The following MAP2K3 variants were observed in gnomAD, a reference collection of about 807,000 sequenced individuals.
MAP2K3 encodes mitogen-activated protein kinase kinase 3.
MAP2K3 carries 30 observed loss-of-function variants against 46.4 expected under a neutral mutation model. That is an observed-to-expected ratio of 0.65 (90% CI 0.48 to 0.88). The LOEUF (loss-of-function observed/expected upper bound fraction) is 0.88, where lower values mean the gene tolerates loss of function less well. MAP2K3 is among the 40% of genes least tolerant of loss of function. The probability of loss-of-function intolerance (pLI) is 0.00; values close to 1 mark genes in which losing one functional copy is unlikely to be tolerated. For missense variants in MAP2K3, 380 were observed against 464.5 expected (o/e 0.82, Z 1.67); for synonymous variants, 189 against 176.3 (o/e 1.07, Z -0.57).
At chr17:21,302,946 G>A (rs1468968437) in intron 6 of MAP2K3, among the ~76,000 whole-genome samples, 4 of 152,428 alleles carry the variant, frequency 2.6e-5, no homozygotes, top group Middle Eastern at 6.8e-3. Context: ...GCCTCCCTGG[G>A]AGGTGAGCCC....
chr17:21,295,933 C>CT, intron 1 of MAP2K3, among the ~76,000 whole-genome samples: 1 of 152,396 alleles, frequency 6.6e-6, no homozygotes, highest in East Asian at 1.9e-4. Flanking sequence ...ACTCAAGGGG[C>CT]TGGGGGCAAG....
At chr17:21,296,733 G>A (rs984532398) in intron 1 of MAP2K3, among the ~76,000 whole-genome samples, 14 of 152,418 alleles carry the variant, frequency 9.2e-5, no homozygotes, top group East Asian at 1.9e-4. Context: ...GCCTGTGGCC[G>A]GTGCTGTGGC....
At chr17:21,298,353 A>AGTGCAGGGGACATTGAT in intron 1 of MAP2K3, 60 bp from the exon 2 acceptor site, 1 of 1,608,216 alleles carries the variant, frequency 6.2e-7, no homozygotes, top group Non-Finnish European at 8.5e-7. Context: ...GGCTCATGGG[A>AGTGCAGGGGACATTGAT]GTGCAGGGGA....
In MAP2K3 at chr17:21,288,126, C is replaced by T. The variant is rs1426986787; in HGVS notation, c.49+3157C>T. 3.1e-6 allele frequency: 4 copies of T among 1,283,010 alleles called. No individual in the cohort carries two copies. The South Asian group carries it at 3.7e-5, about 12-fold the overall frequency. The allele number at this position is 1,283,010 out of a possible 1,614,324, so 79.5% of individuals were successfully genotyped here. On this transcript the variant is annotated intron_variant, in intron 1 of 11. Coordinates refer to ENST00000342679, the MANE Select transcript of MAP2K3 (RefSeq NM_145109.3). ...CGGGCACTGGGTGCTGACTCACCCG[C>T]TGGGCATGCCAGCCGGCTGCCTACA... is the stretch of plus-strand genomic sequence containing the variant.
chr17:21,301,147 C>T (rs1387245014), intron 5 of MAP2K3, among the ~76,000 whole-genome samples, 154 bp downstream of exon 5: 2 of 152,310 alleles, frequency 1.3e-5, no homozygotes, highest in Non-Finnish European at 2.9e-5. Context: ...TACTGTCCTG[C>T]TCAGTGCCTC....
At chr17:21,293,509 T>C (rs1244265575) in intron 1 of MAP2K3, among the ~76,000 whole-genome samples, 1 of 152,304 alleles carries the variant, frequency 6.6e-6, no homozygotes, top group Non-Finnish European at 1.5e-5. Flanking sequence ...ATGTTAGGGG[T>C]GCTCCCGAGC....
At chr17:21,287,670 G>A (rs936040796) in intron 1 of MAP2K3, among the ~76,000 whole-genome samples, 4 of 152,250 alleles carry the variant, frequency 2.6e-5, no homozygotes, top group East Asian at 1.9e-4. Flanking sequence ...AGTGGCTGGC[G>A]CTGGGGCCAG....
intron 3 of MAP2K3, among the ~76,000 whole-genome samples, chr17:21,300,059 A>G (rs938354685): frequency 6.6e-6 from 1 of 152,310 alleles, no homozygotes; most frequent in African/African-American, 2.4e-5. Flanking sequence ...GACACTCACC[A>G]TCTGCTGTCC....
Position 21,307,949 on chromosome 17 carries a change from G to A in MAP2K3, c.774+2821G>A, listed in dbSNP as rs568781932. Among the ~76,000 whole-genome samples the A allele has an allele frequency of 4.4e-3, 636 of 145,354 alleles. 1 individual carries two copies. The highest frequency in any genetic ancestry group is 0.015 in the African/African-American group (577 of 39,254). On this transcript the variant is annotated intron_variant, in intron 9 of 11. Coordinates refer to ENST00000342679, the MANE Select transcript of MAP2K3 (RefSeq NM_145109.3). Reference sequence around the variant, plus strand: ...CAGCTCACTGCAACCTCTGCCTCTCGCGTTCAGGCAATTCTCCTGTCTCAG... The same window carrying A: ...CAGCTCACTGCAACCTCTGCCTCTCACGTTCAGGCAATTCTCCTGTCTCAG...
At position 21,313,031 on chromosome 17, in the gene MAP2K3, G is replaced by A. The variant is rs116212962; in HGVS notation, c.915-461G>A. On this transcript the variant is annotated intron_variant, in intron 10 of 11. Coordinates refer to ENST00000342679, the MANE Select transcript of MAP2K3 (RefSeq NM_145109.3). ...GGGTAAGGAAGAAGCGGCCGGGTGC[G>A]GTGGCTCACACCCATGGTCCCCGCA... Among the ~76,000 whole-genome samples the A allele has an allele frequency of 9.0e-3, 1,365 of 152,214 alleles. 28 individuals carry two copies. The highest frequency in any genetic ancestry group is 0.031 in the African/African-American group (1,277 of 41,506).
At chr17:21,285,739 GC>G (rs1371855254) in intron 1 of MAP2K3, among the ~76,000 whole-genome samples, 2 of 152,104 alleles carry the variant, frequency 1.3e-5, no homozygotes, top group Non-Finnish European at 2.9e-5. Flanking sequence ...TCTTGTCCTG[GC>G]TGCCTGGGAT....
intron 1 of MAP2K3, among the ~76,000 whole-genome samples, chr17:21,292,848 G>C (rs1200716051): frequency 6.6e-6 from 1 of 152,310 alleles, no homozygotes; most frequent in Non-Finnish European, 1.5e-5. Flanking sequence ...TCCTGTCCCT[G>C]GGAGGCCACT....
intron 1 of MAP2K3, among the ~76,000 whole-genome samples, chr17:21,294,720 G>T (rs1391871695): frequency 6.6e-6 from 1 of 152,312 alleles, no homozygotes; most frequent in African/African-American, 2.4e-5. Context: ...GCTGAGGGTG[G>T]TGTTCTCTTG....
At chr17:21,309,724 C>T (rs1351518155) in intron 9 of MAP2K3, among the ~76,000 whole-genome samples, 1 of 152,040 alleles carries the variant, frequency 6.6e-6, no homozygotes, top group African/African-American at 2.4e-5. Flanking sequence ...AGTGATTCTC[C>T]TGCCTCAGGC....
At chr17:21,309,888 GC>G (rs1977081372) in intron 9 of MAP2K3, among the ~76,000 whole-genome samples, 1 of 152,052 alleles carries the variant, frequency 6.6e-6, no homozygotes, top group South Asian at 2.1e-4. Context: ...ACAGGTGTGA[GC>G]CACTGCGCCT....
chr17:21,302,093 C>T (rs778905812), intron 5 of MAP2K3, 50 bp from the exon 6 acceptor site: 745 of 1,580,808 alleles, frequency 4.7e-4, no homozygotes, highest in Non-Finnish European at 4.0e-4. Context: ...GCAGGTGGTG[C>T]AGACACGGGC....
chr17:21,285,070 A>G (rs1975687911), intron 1 of MAP2K3, 101 bp downstream of exon 1: 2 of 1,468,572 alleles, frequency 1.4e-6, no homozygotes, highest in Admixed American at 2.1e-5. Flanking sequence ...CCTGTTCTCG[A>G]CCTGGCAGCG....
chr17:21,312,029 T>C, intron 9 of MAP2K3, 113 bp from the exon 10 acceptor site: 1 of 1,065,944 alleles, frequency 9.4e-7, no homozygotes, highest in Non-Finnish European at 1.3e-6. Context: ...GCTGTGCAGC[T>C]TTGACGCCTG....
intron 1 of MAP2K3, among the ~76,000 whole-genome samples, chr17:21,297,784 C>T (rs1301552968): frequency 3.3e-5 from 5 of 152,336 alleles, no homozygotes; most frequent in East Asian, 1.9e-4. Context: ...GGGACTCTGG[C>T]CTGCCTGGTG....
Sources: gnomAD v4.1 joint callset for allele counts (sites outside exome capture counted in the v4.1 genomes callset) on GRCh38, gnomAD v4.1.1 for gene constraint, MANE v1.5 for transcripts, NCBI Gene and HGNC (gene_info 2026-07-23, HGNC 2026-07-21) for gene names.